Variants in RBFOX1 observed in about 807,000 individuals in gnomAD.
RBFOX1 encodes RNA binding protein fox-1 homolog 1.
Under a neutral mutation model 57.7 loss-of-function variants are expected in RBFOX1, and 8 were observed. The ratio of observed to expected loss-of-function variants is 0.14; its 90% CI spans 0.08 to 0.25. The LOEUF (loss-of-function observed/expected upper bound fraction) is 0.25, where lower values mean the gene tolerates loss of function less well. Among genes scored for constraint, RBFOX1 ranks in the 10% least tolerant of loss-of-function variants. The pLI, the probability that RBFOX1 is intolerant of heterozygous loss-of-function variation, is 1.00. For synonymous variants in RBFOX1, 326 were observed against 222.4 expected (o/e 1.47, Z -4.15); for missense variants, 611 against 548.5 (o/e 1.11, Z -1.14).
At chr16:7,169,094 G>T (rs1410119619) in intron 4 of RBFOX1, among the ~76,000 whole-genome samples, 4 of 152,304 alleles carry the variant, frequency 2.6e-5, no homozygotes, top group African/African-American at 9.6e-5. Flanking sequence ...AAATCATTCA[G>T]TGTCTCAGGG....
intron 4 of RBFOX1, among the ~76,000 whole-genome samples, chr16:6,006,907 C>T (rs1336128420): frequency 6.6e-6 from 1 of 152,160 alleles, no homozygotes; most frequent in Non-Finnish European, 1.5e-5. Flanking sequence ...CATGGGTCCG[C>T]CTTCTCTCCC....
intron 2 of RBFOX1, among the ~76,000 whole-genome samples, chr16:5,488,526 T>A: frequency 7.2e-6 from 1 of 138,628 alleles, no homozygotes; most frequent in Non-Finnish European, 1.6e-5. Context: ...TGATTGAAGA[T>A]GATGGTGTGG....
At chr16:7,533,991 T>C (rs186650831) in intron 5 of RBFOX1, among the ~76,000 whole-genome samples, 1 of 152,170 alleles carries the variant, frequency 6.6e-6, no homozygotes, top group East Asian at 1.9e-4. Context: ...CTCTAAACGG[T>C]TGTGTAAATT....
intron 3 of RBFOX1, among the ~76,000 whole-genome samples, chr16:5,828,076 G>T (rs1274448433): frequency 6.6e-6 from 1 of 151,328 alleles, no homozygotes; most frequent in Non-Finnish European, 1.5e-5. Flanking sequence ...CATCCTTTCA[G>T]CCAGCCAGCC....
chr16:5,995,331 A>G (rs766791102), intron 4 of RBFOX1, among the ~76,000 whole-genome samples: 27 of 152,360 alleles, frequency 1.8e-4, no homozygotes, highest in Non-Finnish European at 3.4e-4. Context: ...CTTGAAATAA[A>G]TACCTGAATA....
intron 1 of RBFOX1, among the ~76,000 whole-genome samples, chr16:6,219,696 G>A (rs1266763936): frequency 6.6e-6 from 1 of 152,094 alleles, no homozygotes; most frequent in African/African-American, 2.4e-5. Context: ...CCAACATGGT[G>A]AAAACCTGTC....
At chr16:7,074,165 A>C (rs1438502407) in intron 4 of RBFOX1, among the ~76,000 whole-genome samples, 1 of 152,190 alleles carries the variant, frequency 6.6e-6, no homozygotes, top group African/African-American at 2.4e-5. Flanking sequence ...AGTCAGTAGA[A>C]AGGGACTACA....
intron 2 of RBFOX1, among the ~76,000 whole-genome samples, chr16:6,433,477 G>A (rs1005879913): frequency 1.3e-5 from 2 of 152,196 alleles, no homozygotes; most frequent in African/African-American, 4.8e-5. Context: ...GGCCAGCCTA[G>A]GAGTGAGATA....
At chr16:7,194,132 A>G (rs1204389624) in intron 4 of RBFOX1, among the ~76,000 whole-genome samples, 2 of 152,196 alleles carry the variant, frequency 1.3e-5, no homozygotes, top group Non-Finnish European at 2.9e-5. Flanking sequence ...TCAATGAGAA[A>G]GTCTTTATTT....
At chr16:5,624,304 C>T (rs1035799180) in intron 3 of RBFOX1, among the ~76,000 whole-genome samples, 1 of 152,202 alleles carries the variant, frequency 6.6e-6, no homozygotes, top group Non-Finnish European at 1.5e-5. Flanking sequence ...ACACCATTCT[C>T]CTGCCTCAGC....
At chr16:7,637,122 G>T (rs1054974307) in intron 11 of RBFOX1, among the ~76,000 whole-genome samples, 1 of 152,020 alleles carries the variant, frequency 6.6e-6, no homozygotes, top group East Asian at 1.9e-4. Flanking sequence ...TTATTGTTCC[G>T]TATGCTTATC....
chr16:6,906,210 C>T (rs544012807), intron 3 of RBFOX1, among the ~76,000 whole-genome samples: 1 of 151,328 alleles, frequency 6.6e-6, no homozygotes, highest in African/African-American at 2.4e-5. Flanking sequence ...GGTGCCCATC[C>T]TATGGGCAAC....
At chr16:5,399,650 T>C (rs573873736) in intron 1 of RBFOX1, among the ~76,000 whole-genome samples, 3 of 152,126 alleles carry the variant, frequency 2.0e-5, no homozygotes, top group South Asian at 2.1e-4. Flanking sequence ...GTGGGAGGAT[T>C]ACCTGAGCAC....
intron 1 of RBFOX1, among the ~76,000 whole-genome samples, chr16:6,128,612 G>A (rs1479730780): frequency 6.6e-6 from 1 of 152,192 alleles, no homozygotes; most frequent in Admixed American, 6.5e-5. Context: ...ATTCTGAAGT[G>A]GAATCGTTTT....
intron 4 of RBFOX1, among the ~76,000 whole-genome samples, chr16:5,900,144 G>T (rs1047466501): frequency 1.3e-5 from 2 of 152,216 alleles, no homozygotes; most frequent in South Asian, 2.1e-4. Flanking sequence ...TTGTACCTTT[G>T]TTTGGGCAGT....
chr16:6,242,973 C>G (rs2097548019), intron 1 of RBFOX1, among the ~76,000 whole-genome samples: 2 of 152,096 alleles, frequency 1.3e-5, no homozygotes, highest in African/African-American at 2.4e-5. Flanking sequence ...GTTTTGTTTT[C>G]TTTCTAGAGA....
intron 3 of RBFOX1, among the ~76,000 whole-genome samples, chr16:5,814,590 CT>C (rs1446857963): frequency 2.0e-5 from 3 of 152,214 alleles, no homozygotes; most frequent in African/African-American, 7.2e-5. Context: ...GGTAGAGAGC[CT>C]ATCTTCTCAT....
intron 3 of RBFOX1, among the ~76,000 whole-genome samples, chr16:6,768,708 T>C (rs1301378175): frequency 1.3e-5 from 2 of 150,284 alleles, no homozygotes; most frequent in Non-Finnish European, 3.0e-5. Context: ...TATATATATA[T>C]GTATATATGA....
At chr16:6,196,062 C>G (rs1254647740) in intron 1 of RBFOX1, among the ~76,000 whole-genome samples, 1 of 152,308 alleles carries the variant, frequency 6.6e-6, no homozygotes, top group African/African-American at 2.4e-5. Context: ...AATTACCATA[C>G]ACAGTATGCT....
Sources: allele counts gnomAD v4.1 joint callset (sites outside exome capture counted in the v4.1 genomes callset), GRCh38; gene constraint gnomAD v4.1.1; transcripts MANE v1.5; gene names NCBI Gene and HGNC (gene_info 2026-07-23, HGNC 2026-07-21).